The following PLCE1 variants were observed in gnomAD, a reference collection of about 807,000 sequenced individuals.
PLCE1 encodes the protein phospholipase C epsilon 1, also known as 1-phosphatidylinositol 4,5-bisphosphate phosphodiesterase epsilon-1.
PLCE1 carries 119 observed loss-of-function variants against 242.8 expected under a neutral mutation model. The observed-to-expected ratio is 0.49, with a 90% confidence interval of 0.42 to 0.57. The LOEUF (loss-of-function observed/expected upper bound fraction) is 0.57. Among genes scored for constraint, PLCE1 ranks in the 20% least tolerant of loss-of-function variants. The probability of loss-of-function intolerance (pLI) is 0.00; values close to 1 mark genes in which losing one functional copy is unlikely to be tolerated. For missense variants in PLCE1, 2,441 were observed against 2,788.8 expected (o/e 0.88, Z 2.81); for synonymous variants, 945 against 1,017.4 (o/e 0.93, Z 1.35).
chr10:94,063,218 A>G (rs1190336377), intron 2 of PLCE1, among the ~76,000 whole-genome samples: 1 of 152,084 alleles, frequency 6.6e-6, no homozygotes, highest in African/African-American at 2.4e-5. Context: ...TTTGTTTTTA[A>G]CTGAAGACAT....
chr10:94,149,471 A>T (rs1407533427), intron 3 of PLCE1, among the ~76,000 whole-genome samples: 1 of 152,244 alleles, frequency 6.6e-6, no homozygotes, highest in Non-Finnish European at 1.5e-5. Context: ...ACTACATGTC[A>T]TAAACTGTTC....
chr10:94,028,618 C>G (rs2061497143), intron 1 of PLCE1, among the ~76,000 whole-genome samples: 1 of 152,056 alleles, frequency 6.6e-6, no homozygotes, highest in African/African-American at 2.4e-5. Flanking sequence ...AACCATCACA[C>G]TATCTTGTAG....
At chr10:94,096,988 AG>A (rs948314647) in intron 2 of PLCE1, 2 of 152,214 alleles carry the variant, frequency 1.3e-5, no homozygotes, top group Non-Finnish European at 2.9e-5. Flanking sequence ...TTTGGGCACA[AG>A]GTATTGTGGC....
chr10:94,305,534 C>T (rs572425554), intron 25 of PLCE1, among the ~76,000 whole-genome samples: 6 of 152,308 alleles, frequency 3.9e-5, no homozygotes, highest in Admixed American at 2.0e-4. Context: ...CCTCCAAGTA[C>T]GACACCCCCA....
intron 32 of PLCE1, 61 bp from the exon 33 acceptor site, chr10:94,327,907 G>GC (rs1307239553): frequency 3.2e-5 from 16 of 497,208 alleles, no homozygotes; most frequent in South Asian, 2.2e-4. Context: ...TTGGTATACC[G>GC]CAAGTGTTTC....
At chr10:94,124,439 T>C (rs762622121) in intron 2 of PLCE1, among the ~76,000 whole-genome samples, 1 of 149,790 alleles carries the variant, frequency 6.7e-6, no homozygotes, top group Non-Finnish European at 1.5e-5. Flanking sequence ...GTATGGATTA[T>C]AGAACAGTAA....
intron 4 of PLCE1, among the ~76,000 whole-genome samples, chr10:94,192,146 A>G (rs1404418600): frequency 6.6e-6 from 1 of 152,214 alleles, no homozygotes; most frequent in East Asian, 1.9e-4. Flanking sequence ...AATGCTTATC[A>G]CTTTTATGGT....
intron 22 of PLCE1, chr10:94,287,413 A>G (rs1229730043): frequency 2.7e-5 from 4 of 149,914 alleles, no homozygotes; most frequent in East Asian, 3.9e-4. Flanking sequence ...TACATTATCA[A>G]TTTCAGTGTA....
chr10:94,308,007 T>G (rs187040164), intron 26 of PLCE1, among the ~76,000 whole-genome samples: 88 of 152,368 alleles, frequency 5.8e-4, no homozygotes, highest in African/African-American at 1.9e-3. Flanking sequence ...ACGTAACACA[T>G]GAGCATACAG....
intron 2 of PLCE1, among the ~76,000 whole-genome samples, chr10:94,055,088 C>T (rs1363746067): frequency 6.6e-6 from 1 of 150,778 alleles, no homozygotes; most frequent in Non-Finnish European, 1.5e-5. Context: ...TACAGAGTCA[C>T]TTTTAAGGAG....
In PLCE1 at chr10:94,317,200, A is replaced by C. The variant is rs571426500; in HGVS notation, c.6342+444A>C. Among the ~76,000 whole-genome samples, 59 of 152,328 alleles carry C rather than the reference A, an allele frequency of 3.9e-4. No homozygotes were observed. The East Asian group carries it at 7.9e-3, about 20-fold the overall frequency. On this transcript the variant is annotated intron_variant, in intron 29 of 32. Coordinates refer to ENST00000371380, the MANE Select transcript of PLCE1 (RefSeq NM_016341.4). The stretch of plus-strand genomic sequence containing the variant: ...AACCCAGGAGGCAGAGGTTGCAGAG[A>C]GCTGAGATCGTGCCATTGTGCTCTG...
At chr10:94,058,123 G>A (rs1463319632) in intron 2 of PLCE1, among the ~76,000 whole-genome samples, 1 of 152,116 alleles carries the variant, frequency 6.6e-6, no homozygotes, top group South Asian at 2.1e-4. Flanking sequence ...TCCTTCAGGG[G>A]AACTCCTACA....
chr10:94,221,235 T>TA, intron 4 of PLCE1, among the ~76,000 whole-genome samples: 3 of 152,322 alleles, frequency 2.0e-5, no homozygotes, highest in Admixed American at 2.0e-4. Context: ...AACAAACACC[T>TA]AAACACCACC....
chr10:94,121,432 A>T (rs2046294786), intron 2 of PLCE1, among the ~76,000 whole-genome samples: 1 of 152,164 alleles, frequency 6.6e-6, no homozygotes, highest in Non-Finnish European at 1.5e-5. Context: ...ATGAAGGCAG[A>T]TGGTGATGGC....
chr10:94,323,931 A>G (rs1242124418), intron 30 of PLCE1, among the ~76,000 whole-genome samples: 1 of 152,232 alleles, frequency 6.6e-6, no homozygotes, highest in Non-Finnish European at 1.5e-5. Context: ...TCTGTGATAG[A>G]GATAGCCCAG....
At position 94,258,872 on chromosome 10, in the gene PLCE1, A is replaced by G; in HGVS notation, c.3627A>G (p.Ser1209=). The change falls in exon 12 of 33, where the codon TCA becomes TCG. Residue 1209 remains serine, a synonymous_variant. Transcript: ENST00000371380. ...GMKGFQSFMV[S]DSNMSFVEFV... is the part of the protein sequence containing the mutation. ...AGGGATTTCAGAGCTTCATGGTTTC[A>G]GATAGCAACATGAGTTTTGTTGAAT... is the stretch of plus-strand genomic sequence containing the variant. 6.2e-7 allele frequency: 1 copy of G among 1,614,138 alleles called. No homozygotes were observed. Among genetic ancestry groups the G allele is most frequent in the Non-Finnish European group, 8.5e-7 (1 of 1,179,980 alleles).
chr10:94,100,061 T>C (rs1274547279), intron 2 of PLCE1: 1 of 152,200 alleles, frequency 6.6e-6, no homozygotes, highest in Non-Finnish European at 1.5e-5. Flanking sequence ...ACAACCTCTG[T>C]CTGGTTCTGT....
At chr10:94,272,112 C>T (rs770517394) in intron 18 of PLCE1, among the ~76,000 whole-genome samples, 6 of 152,224 alleles carry the variant, frequency 3.9e-5, no homozygotes, top group South Asian at 2.1e-4. Flanking sequence ...AGCAGAGAAC[C>T]GGTCTGACCT....
In PLCE1 at chr10:94,020,207, G is replaced by A. The variant is rs144653456; in HGVS notation, c.-364-10476G>A. ...TTTTAGCTAGTCTAGTGGGTGTGAA[G>A]TGCTATCTCATTGTGATTTTAATTG... On this transcript the variant is annotated intron_variant, in intron 1 of 32. Coordinates refer to ENST00000371380, the MANE Select transcript of PLCE1 (RefSeq NM_016341.4). Among the ~76,000 whole-genome samples the A allele has an allele frequency of 2.0e-4, 31 of 152,252 alleles. No homozygotes were observed. The South Asian group carries it at 3.7e-3, about 18-fold the overall frequency.
Sources: gnomAD v4.1 joint callset for allele counts (sites outside exome capture counted in the v4.1 genomes callset) on GRCh38, gnomAD v4.1.1 for gene constraint, MANE v1.5 for transcripts, NCBI Gene and HGNC (gene_info 2026-07-23, HGNC 2026-07-21) for gene names.